MYO16: variants seen among roughly 807,000 people sequenced by gnomAD.
The protein encoded by MYO16 is unconventional myosin-XVI.
MYO16 carries 94 observed loss-of-function variants against 205.3 expected under a neutral mutation model. That is an observed-to-expected ratio of 0.46 (90% CI 0.39 to 0.54). The LOEUF is 0.54. MYO16 is among the 20% of genes least tolerant of loss of function. The pLI is 0.00. For synonymous variants in MYO16, 988 were observed against 954.0 expected (o/e 1.04, Z -0.66); for missense variants, 2,315 against 2,387.5 (o/e 0.97, Z 0.63).
intron 32 of MYO16, among the ~76,000 whole-genome samples, chr13:109,151,654 T>C (rs1877673902): frequency 6.6e-6 from 1 of 152,240 alleles, no homozygotes; most frequent in African/African-American, 2.4e-5. Flanking sequence ...AGAAGTGATA[T>C]ATGCACAATT....
chr13:108,911,266 G>A (rs747116350), intron 16 of MYO16, among the ~76,000 whole-genome samples: 3 of 152,118 alleles, frequency 2.0e-5, no homozygotes, highest in Non-Finnish European at 4.4e-5. Context: ...CCCATCTGAA[G>A]CCATTATATT....
At position 108,846,465 on chromosome 13, in the gene MYO16, TATATATATACATAC is replaced by T. The variant is rs963077357; in HGVS notation, c.1248+1984_1248+1997del. Among the ~76,000 whole-genome samples, 12 of 151,230 alleles carry T rather than the reference TATATATATACATAC, an allele frequency of 7.9e-5. No homozygotes were observed. In the East Asian group the frequency reaches 1.6e-3, roughly 20 times the overall value. ...TAGCTTTTACAAAATAATATCATTA[TATATATATACATAC>T]ATATATATACACACACATACATGTG... is the stretch of plus-strand genomic sequence containing the variant. On this transcript the variant is annotated intron_variant, in intron 10 of 34. Coordinates refer to ENST00000457511, the MANE Select transcript of MYO16 (RefSeq NM_001198950.3).
At chr13:108,820,297 G>T in intron 7 of MYO16, 40 bp from the exon 8 acceptor site, 1 of 1,443,978 alleles carries the variant, frequency 6.9e-7, no homozygotes, top group African/African-American at 1.4e-5. Context: ...CCTAGCTTCT[G>T]CCATGGTGGT....
rs1279131558 is a variant in MYO16 at position 108,811,548 on chromosome 13, A to AG, written c.867+4744_867+4745insG. 4.0e-5 allele frequency among the ~76,000 whole-genome samples: 6 copies of AG among 150,196 alleles called. No homozygotes were observed. The East Asian group carries it at 1.2e-3, about 29-fold the overall frequency. Reference sequence around the variant, plus strand: ...CTGTCCTCTAACACCACCTGTTTAAAAAAAAAAAAACCATCATCTTCTCTT... The same window carrying AG: ...CTGTCCTCTAACACCACCTGTTTAAAGAAAAAAAAAACCATCATCTTCTCTT... On this transcript the variant is annotated intron_variant, in intron 7 of 34. Transcript: ENST00000457511.
At chr13:108,963,454 T>C (rs958246961) in intron 19 of MYO16, among the ~76,000 whole-genome samples, 4 of 152,234 alleles carry the variant, frequency 2.6e-5, no homozygotes, top group Non-Finnish European at 5.9e-5. Flanking sequence ...CTCCCATTCC[T>C]ACTGCCTTCC....
the MYO16 span, among the ~76,000 whole-genome samples, chr13:108,504,563 T>G: frequency 6.7e-6 from 1 of 150,368 alleles, no homozygotes; most frequent in African/African-American, 2.4e-5. Context: ...TGAGATGGAG[T>G]CTCTCTCTGT....
At chr13:109,070,108 ACC>A (rs1887880289) in intron 27 of MYO16, among the ~76,000 whole-genome samples, 1 of 152,210 alleles carries the variant, frequency 6.6e-6, no homozygotes, top group Non-Finnish European at 1.5e-5. Context: ...TATGGACCAA[ACC>A]AAGACATATT....
intron 14 of MYO16, among the ~76,000 whole-genome samples, chr13:108,894,219 C>T (rs1216204287): frequency 6.6e-6 from 1 of 152,114 alleles, no homozygotes. Context: ...TCAATCACCC[C>T]CCACCGGGTC....
the MYO16 span, among the ~76,000 whole-genome samples, chr13:108,547,973 A>G: frequency 6.6e-6 from 1 of 152,242 alleles, no homozygotes; most frequent in African/African-American, 2.4e-5. Flanking sequence ...TTCATCAAAA[A>G]GTTCTAGGTT....
chr13:108,674,555 T>A (rs560625758), intron 2 of MYO16, among the ~76,000 whole-genome samples: 234 of 152,292 alleles, frequency 1.5e-3, no homozygotes, highest in Non-Finnish European at 2.9e-3. Flanking sequence ...AATTGGCAGT[T>A]TGAAAATGCG....
chr13:109,088,128 A>G (rs1031401125), intron 27 of MYO16, among the ~76,000 whole-genome samples: 2 of 152,214 alleles, frequency 1.3e-5, no homozygotes, highest in East Asian at 3.9e-4. Flanking sequence ...TTTCAGCTCC[A>G]TCGCAGTCTG....
At chr13:108,650,780 G>T (rs570827301) in intron 1 of MYO16, among the ~76,000 whole-genome samples, 1 of 152,258 alleles carries the variant, frequency 6.6e-6, no homozygotes, top group South Asian at 2.1e-4. Context: ...AGTAGTGGAG[G>T]CATGGTGTTT....
At chr13:108,799,490 T>C (rs1289460471) in intron 6 of MYO16, among the ~76,000 whole-genome samples, 2 of 152,230 alleles carry the variant, frequency 1.3e-5, no homozygotes, top group Non-Finnish European at 2.9e-5. Context: ...ATGAATGCTA[T>C]CTTGAGGTAT....
chr13:109,023,066 TTTATATA>T (rs1886150066), intron 23 of MYO16, among the ~76,000 whole-genome samples: 1 of 132,316 alleles, frequency 7.6e-6, no homozygotes, highest in South Asian at 2.3e-4. Flanking sequence ...TATGTTTATA[TTTATATA>T]TTATATATAC....
At chr13:108,676,372 C>CGG (rs1555337822) in intron 2 of MYO16, among the ~76,000 whole-genome samples, 1 of 131,672 alleles carries the variant, frequency 7.6e-6, no homozygotes, top group Non-Finnish European at 1.6e-5. Context: ...TATATGTACG[C>CGG]GTGTGTGTGT....
intron 16 of MYO16, among the ~76,000 whole-genome samples, chr13:108,928,750 G>A (rs1000693026): frequency 6.6e-6 from 1 of 152,146 alleles, no homozygotes; most frequent in Non-Finnish European, 1.5e-5. Flanking sequence ...AGCTTAAAAT[G>A]CCTAAAAGTA....
At chr13:108,687,451 G>A (rs1198958215) in intron 2 of MYO16, among the ~76,000 whole-genome samples, 1 of 152,142 alleles carries the variant, frequency 6.6e-6, no homozygotes, top group Non-Finnish European at 1.5e-5. Flanking sequence ...TCTACCAACT[G>A]CAGAAAAATC....
chr13:108,993,334 G>C (rs1238616880), intron 21 of MYO16, among the ~76,000 whole-genome samples: 2 of 152,092 alleles, frequency 1.3e-5, no homozygotes, highest in Non-Finnish European at 2.9e-5. Flanking sequence ...GTAAAATCAG[G>C]TTAATAGACT....
At chr13:109,026,169 C>T (rs901644209) in intron 23 of MYO16, among the ~76,000 whole-genome samples, 1 of 152,070 alleles carries the variant, frequency 6.6e-6, no homozygotes, top group Non-Finnish European at 1.5e-5. Context: ...GGGAGCCCTC[C>T]GAAAATATTT....
Sources: gnomAD v4.1 joint callset for allele counts (sites outside exome capture counted in the v4.1 genomes callset) on GRCh38, gnomAD v4.1.1 for gene constraint, MANE v1.5 for transcripts, NCBI Gene and HGNC (gene_info 2026-07-23, HGNC 2026-07-21) for gene names.